The following UBE3C variants were observed in gnomAD, a reference collection of about 807,000 sequenced individuals.
UBE3C encodes ubiquitin protein ligase E3C.
Under a neutral mutation model 129.4 loss-of-function variants are expected in UBE3C, and 42 were observed. The ratio of observed to expected loss-of-function variants is 0.32; its 90% CI spans 0.25 to 0.42. The LOEUF is 0.42. Ranked by LOEUF, UBE3C falls within the 10% of genes least tolerant of loss-of-function variation. The pLI is 1.00. For missense variants in UBE3C, 1,049 were observed against 1,319.1 expected (o/e 0.80, Z 3.17); for synonymous variants, 510 against 492.4 (o/e 1.04, Z -0.47).
chr7:157,192,215 G>A (rs1046509373), intron 10 of UBE3C, among the ~76,000 whole-genome samples: 1 of 152,074 alleles, frequency 6.6e-6, no homozygotes, highest in Admixed American at 6.5e-5. Flanking sequence ...ATTGTTTCCC[G>A]GGAAATATGA....
At chr7:157,198,253 A>G in intron 10 of UBE3C, 2 of 1,238,444 alleles carry the variant, frequency 1.6e-6, no homozygotes, top group Non-Finnish European at 2.4e-6. Context: ...CCACCTGTAA[A>G]TGACATTGAG....
chr7:157,240,733 C>T (rs1286466058), intron 18 of UBE3C, among the ~76,000 whole-genome samples: 1 of 152,072 alleles, frequency 6.6e-6, no homozygotes, highest in African/African-American at 2.4e-5. Flanking sequence ...GAGAGGAGAC[C>T]TGTGGAGTCG....
chr7:157,209,604 C>G (rs1216813200), intron 13 of UBE3C, among the ~76,000 whole-genome samples: 1 of 152,072 alleles, frequency 6.6e-6, no homozygotes, highest in African/African-American at 2.4e-5. Context: ...TGATTAAACC[C>G]TGGGGTCTTT....
chr7:157,153,823 A>C (rs1277713744), intron 1 of UBE3C, among the ~76,000 whole-genome samples: 3 of 150,374 alleles, frequency 2.0e-5, no homozygotes, highest in Non-Finnish European at 4.4e-5. Flanking sequence ...CTAAAAATAC[A>C]AAACAAACAA....
intron 17 of UBE3C, 65 bp from the exon 18 acceptor site, chr7:157,231,015 G>A: frequency 1.9e-6 from 3 of 1,588,944 alleles, no homozygotes; most frequent in Non-Finnish European, 2.6e-6. Context: ...TTCCTGTAAG[G>A]CTAGTTGATG....
chr7:157,160,591 T>A (rs907134318), intron 1 of UBE3C, among the ~76,000 whole-genome samples: 6 of 152,200 alleles, frequency 3.9e-5, no homozygotes, highest in African/African-American at 1.4e-4. Flanking sequence ...TATGCCGTTA[T>A]GTTTTATTAC....
intron 1 of UBE3C, among the ~76,000 whole-genome samples, chr7:157,148,245 C>T (rs1403365536): frequency 6.6e-6 from 1 of 152,074 alleles, no homozygotes; most frequent in Non-Finnish European, 1.5e-5. Context: ...GGCTTACAGG[C>T]GCCCACCACC....
At position 157,224,450 on chromosome 7, in the gene UBE3C, T is replaced by C. The variant is rs191157593; in HGVS notation, c.2101-957T>C. 7.7e-3 allele frequency among the ~76,000 whole-genome samples: 1,171 copies of C among 152,192 alleles called. 10 individuals are homozygous for C. The highest frequency in any genetic ancestry group is 0.014 in the Middle Eastern group (4 of 294). On this transcript the variant is annotated intron_variant, in intron 16 of 22. Coordinates refer to ENST00000348165, the MANE Select transcript of UBE3C (RefSeq NM_014671.3). ...ACCTCGTGATCTGCCTGCCCCAGCCTCCCAAAGTGCTGAAATTACAGGCAT... is the reference window on the plus strand; with the variant it reads ...ACCTCGTGATCTGCCTGCCCCAGCCCCCCAAAGTGCTGAAATTACAGGCAT...
intron 1 of UBE3C, among the ~76,000 whole-genome samples, chr7:157,151,846 CAG>C (rs1807764650): frequency 6.6e-6 from 1 of 152,090 alleles, no homozygotes; most frequent in Non-Finnish European, 1.5e-5. Flanking sequence ...CACATCATGA[CAG>C]GGAGGAGAGG....
intron 10 of UBE3C, among the ~76,000 whole-genome samples, chr7:157,193,927 C>A (rs1276164235): frequency 6.6e-6 from 1 of 152,102 alleles, no homozygotes; most frequent in African/African-American, 2.4e-5. Context: ...TAACGTAAAT[C>A]TCTATTTTGG....
chr7:157,256,279 A>T (rs1436220346), intron 21 of UBE3C, among the ~76,000 whole-genome samples: 1 of 152,070 alleles, frequency 6.6e-6, no homozygotes, highest in South Asian at 2.1e-4. Context: ...AGAAGCTGAG[A>T]TTATGGGTGC....
chr7:157,152,433 C>A (rs896202457), intron 1 of UBE3C, among the ~76,000 whole-genome samples: 7 of 152,108 alleles, frequency 4.6e-5, no homozygotes, highest in Admixed American at 4.6e-4. Flanking sequence ...GGAGAAGCAC[C>A]CACACTTGTG....
Position 157,139,149 on chromosome 7 carries a change from C to G in UBE3C, c.-124C>G. ...GGGGCGGGCTCGGGTCGCCTCCCGG[C>G]CGCCGCGTCCTCGCTGCCCCGGGCC... On this transcript the variant is annotated 5_prime_UTR_variant, in exon 1 of 23. Transcript: ENST00000348165. 1.8e-6 allele frequency: 1 copy of G among 564,754 alleles called. No homozygotes were observed. Among genetic ancestry groups the G allele is most frequent in the Non-Finnish European group, 2.3e-6 (1 of 441,674 alleles). 35.0% of individuals were successfully genotyped at this position (564,754 alleles called of 1,614,324 possible). A position where few individuals can be genotyped will look rare whatever the true frequency, so the allele number is the denominator to read the frequency against.
intron 5 of UBE3C, among the ~76,000 whole-genome samples, chr7:157,176,200 T>A (rs893210104): frequency 1.3e-5 from 2 of 152,252 alleles, no homozygotes; most frequent in Non-Finnish European, 2.9e-5. Context: ...AGTTCGAGGC[T>A]GCAGTGAGCT....
intron 1 of UBE3C, among the ~76,000 whole-genome samples, chr7:157,146,477 T>TC (rs1807608848): frequency 6.6e-6 from 1 of 151,828 alleles, no homozygotes; most frequent in African/African-American, 2.4e-5. Context: ...CGCCTGGGCG[T>TC]CCCAAAGTGC....
chr7:157,168,334 CAAA>C (rs34110466), intron 2 of UBE3C, among the ~76,000 whole-genome samples: 6 of 110,014 alleles, frequency 5.5e-5, no homozygotes, highest in Admixed American at 9.2e-5. Context: ...GACTCTGTCT[CAAA>C]AAAAAAAAAA....
rs138799797 is a variant in UBE3C at position 157,251,807 on chromosome 7, G to C, written c.2695-2147G>C. Among the ~76,000 whole-genome samples, 217 of 152,226 alleles carry C rather than the reference G, an allele frequency of 1.4e-3. 1 individual carries two copies. Among genetic ancestry groups the C allele is most frequent in the African/African-American group, 5.1e-3 (213 of 41,522 alleles). Reference sequence around the variant, plus strand: ...AGTTGTTTAGGCTTAGCCTGAGAGAGAATTTTAAATTAAAAGTAGTGTAAC... The same window carrying C: ...AGTTGTTTAGGCTTAGCCTGAGAGACAATTTTAAATTAAAAGTAGTGTAAC... On this transcript the variant is annotated intron_variant, in intron 19 of 22. Transcript: ENST00000348165.
chr7:157,204,398 CAAA>C (rs35298527), intron 11 of UBE3C, among the ~76,000 whole-genome samples: 45 of 86,342 alleles, frequency 5.2e-4, no homozygotes, highest in Non-Finnish European at 7.7e-4. Context: ...AACTTTGTTT[CAAA>C]AAAAAAAAAA....
At chr7:157,178,586 T>G in intron 5 of UBE3C, 104 bp from the exon 6 acceptor site, 8 of 1,163,852 alleles carry the variant, frequency 6.9e-6, no homozygotes, top group Non-Finnish European at 9.7e-6. Context: ...GAGATAATCT[T>G]GTACTGGAAT....
Sources: gnomAD v4.1 joint callset for allele counts (sites outside exome capture counted in the v4.1 genomes callset) on GRCh38, gnomAD v4.1.1 for gene constraint, MANE v1.5 for transcripts, NCBI Gene and HGNC (gene_info 2026-07-23, HGNC 2026-07-21) for gene names.